The following PPM1E variants were observed in gnomAD, a reference collection of about 807,000 sequenced individuals.
PPM1E encodes the protein protein phosphatase, Mg2+/Mn2+ dependent 1E.
Under a neutral mutation model 65.9 loss-of-function variants are expected in PPM1E, and 20 were observed. The observed-to-expected ratio is 0.30, with a 90% CI of 0.21 to 0.44. PPM1E has a LOEUF of 0.44. PPM1E is among the 20% of genes least tolerant of loss of function. The pLI is 1.00. For synonymous variants in PPM1E, 352 were observed against 374.9 expected, an observed-to-expected ratio of 0.94 and a Z score of 0.70; for missense variants, 713 against 953.1, an observed-to-expected ratio of 0.75 and a Z score of 3.32.
chr17:58,828,427 A>G lies in PPM1E; in HGVS notation c.464+71966A>G, dbSNP rs112083914. Among the ~76,000 whole-genome samples, 1,390 of 151,966 alleles carry G rather than the reference A, an allele frequency of 9.1e-3. 25 individuals are homozygous for G. Among genetic ancestry groups the G allele is most frequent in the African/African-American group, 0.031 (1,285 of 41,466 alleles). On this transcript the variant is annotated intron_variant, in intron 1 of 6. Transcript: ENST00000308249. ...TTCTCTTTCTATACATTGGAACCAC[A>G]ATGGCAAAGGAAGCAACTATTTTTA...
At chr17:58,796,683 G>T (rs1240167685) in intron 1 of PPM1E, among the ~76,000 whole-genome samples, 1 of 152,134 alleles carries the variant, frequency 6.6e-6, no homozygotes, top group African/African-American at 2.4e-5. Flanking sequence ...AAAAATTGTA[G>T]GCATTGAACA....
chr17:58,793,789 A>G (rs2050179580), intron 1 of PPM1E, among the ~76,000 whole-genome samples: 1 of 152,114 alleles, frequency 6.6e-6, no homozygotes, highest in Non-Finnish European at 1.5e-5. Flanking sequence ...CTCAACATCT[A>G]TTTTATCCAC....
At chr17:58,837,039 A>T (rs1345889092) in intron 1 of PPM1E, among the ~76,000 whole-genome samples, 1 of 147,722 alleles carries the variant, frequency 6.8e-6, no homozygotes, top group African/African-American at 2.5e-5. Flanking sequence ...AAAAAAAAAA[A>T]GTGCCAGGAT....
At chr17:58,855,721 A>G (rs1051261289) in intron 1 of PPM1E, among the ~76,000 whole-genome samples, 2 of 152,224 alleles carry the variant, frequency 1.3e-5, no homozygotes, top group African/African-American at 4.8e-5. Context: ...TTTCAATTAT[A>G]GATGAATTTT....
At position 58,969,635 on chromosome 17, in the gene PPM1E, C is replaced by A; in HGVS notation, c.880C>A (p.Arg294Ser). 1 of 1,614,078 alleles carries A rather than the reference C, an allele frequency of 6.2e-7. No homozygotes were observed. The highest frequency in any genetic ancestry group is 8.5e-7 in the Non-Finnish European group (1 of 1,179,994). ...ASIHLHVNLVRQEMFPHDPAE... is the reference protein window; with the variant it reads ...ASIHLHVNLVSQEMFPHDPAE... ...CATTCACCTCCACGTTAACTTAGTC[C>A]GCCAGGAGATGTTCCCCCATGATCC... The change falls in exon 4 of 7, where the codon CGC becomes AGC. Residue 294 changes from arginine (R) to serine (S), a missense_variant. Arg to Ser is a moderately radical substitution (Grantham distance 110, BLOSUM62 -1). Coordinates refer to ENST00000308249, the MANE Select transcript of PPM1E (RefSeq NM_014906.5).
intron 1 of PPM1E, among the ~76,000 whole-genome samples, chr17:58,806,043 A>G (rs2050311258): frequency 6.6e-6 from 1 of 150,564 alleles, no homozygotes; most frequent in Non-Finnish European, 1.5e-5. Flanking sequence ...AATTGTAGTA[A>G]GTACTGTCAA....
At position 58,755,876 on chromosome 17, in the gene PPM1E, A is replaced by T; in HGVS notation, c.-122A>T. 8 of 1,502,252 alleles carry T rather than the reference A, an allele frequency of 5.3e-6. No individual in the cohort carries two copies. Among genetic ancestry groups the T allele is most frequent in the Non-Finnish European group, 7.1e-6 (8 of 1,126,684 alleles). The allele number at this position is 1,502,252 out of a possible 1,614,324, so 93.1% of individuals were successfully genotyped here. ...GCCCTCTCCAGGCAACCTAGTGCTG[A>T]TCGCTCGTGCCGGTGCGGCCGTTAA... On this transcript the variant is annotated 5_prime_UTR_variant, in exon 1 of 7. Coordinates refer to ENST00000308249, the MANE Select transcript of PPM1E (RefSeq NM_014906.5).
intron 1 of PPM1E, among the ~76,000 whole-genome samples, chr17:58,806,584 T>C (rs968789565): frequency 6.6e-6 from 1 of 152,122 alleles, no homozygotes; most frequent in East Asian, 1.9e-4. Flanking sequence ...AACTAGATCT[T>C]TGGGGATTTG....
intron 1 of PPM1E, among the ~76,000 whole-genome samples, chr17:58,775,104 G>T (rs569268179): frequency 6.6e-6 from 1 of 152,256 alleles, no homozygotes; most frequent in African/African-American, 2.4e-5. Flanking sequence ...AGCTGCCTCG[G>T]CCTCCCAAAG....
At chr17:58,825,500 A>G (rs1409926141) in intron 1 of PPM1E, among the ~76,000 whole-genome samples, 1 of 151,834 alleles carries the variant, frequency 6.6e-6, no homozygotes, top group African/African-American at 2.4e-5. Context: ...TTGTGTTAAC[A>G]TTGGTGTTTT....
chr17:58,851,508 C>G (rs1168165522), intron 1 of PPM1E, among the ~76,000 whole-genome samples: 4 of 152,136 alleles, frequency 2.6e-5, no homozygotes, highest in Admixed American at 6.6e-5. Flanking sequence ...CAGTCAGGAC[C>G]CTCAGCTGCA....
At chr17:58,917,315 TTATTA>T (rs1358101080) in intron 1 of PPM1E, among the ~76,000 whole-genome samples, 5 of 152,302 alleles carry the variant, frequency 3.3e-5, no homozygotes, top group South Asian at 2.1e-4. Flanking sequence ...GGCCTAGAAT[TTATTA>T]TATTATAATC....
At position 58,972,156 on chromosome 17, in the gene PPM1E, G is replaced by C. The variant is rs749352917; in HGVS notation, c.997G>C (p.Val333Leu). The C allele has an allele frequency of 3.1e-6, 5 of 1,614,052 alleles. No individual in the cohort carries two copies. Among genetic ancestry groups the C allele is most frequent in the Non-Finnish European group, 4.2e-6 (5 of 1,179,950 alleles). Residue 333 changes from valine (V) to leucine (L), a missense_variant, in exon 5 of 7, where the codon GTG becomes CTG. Coordinates refer to ENST00000308249, the MANE Select transcript of PPM1E (RefSeq NM_014906.5). ...GAGCTTAAGATGTGGGACCACAGGA[G>C]TGGTGACTTTCATCAGAGGCAACAT... ...RESLRCGTTG[V>L]VTFIRGNMLH...
At chr17:58,884,903 C>CT (rs2051248010) in intron 1 of PPM1E, among the ~76,000 whole-genome samples, 1 of 152,048 alleles carries the variant, frequency 6.6e-6, no homozygotes, top group South Asian at 2.1e-4. Context: ...TTTTCTCTGT[C>CT]TTATTTTCCT....
intron 1 of PPM1E, among the ~76,000 whole-genome samples, chr17:58,885,842 G>A (rs1445133896): frequency 6.6e-6 from 1 of 152,162 alleles, no homozygotes; most frequent in East Asian, 1.9e-4. Flanking sequence ...CCAAGTCAGG[G>A]GTGTATACAC....
At chr17:58,765,950 G>A (rs1167948131) in intron 1 of PPM1E, among the ~76,000 whole-genome samples, 1 of 148,190 alleles carries the variant, frequency 6.7e-6, no homozygotes, top group Non-Finnish European at 1.5e-5. Flanking sequence ...GCCCAGTCTC[G>A]GCGCACTGCA....
chr17:58,873,277 C>T (rs1201887347), intron 1 of PPM1E, among the ~76,000 whole-genome samples: 1 of 152,028 alleles, frequency 6.6e-6, no homozygotes, highest in Non-Finnish European at 1.5e-5. Context: ...TATTTTATTG[C>T]ACTATTTAGT....
At chr17:58,809,578 C>G (rs1203889762) in intron 1 of PPM1E, among the ~76,000 whole-genome samples, 2 of 152,052 alleles carry the variant, frequency 1.3e-5, no homozygotes, top group Admixed American at 6.6e-5. Flanking sequence ...TGCCCAGGGT[C>G]TTACTATGTT....
chr17:58,837,298 A>G (rs12942772), intron 1 of PPM1E, among the ~76,000 whole-genome samples: 1 of 141,030 alleles, frequency 7.1e-6, no homozygotes, highest in African/African-American at 2.7e-5. Context: ...CCCAGGATAT[A>G]CAACTGTCAG....
Sources: allele counts gnomAD v4.1 joint callset (sites outside exome capture counted in the v4.1 genomes callset), GRCh38; gene constraint gnomAD v4.1.1; transcripts MANE v1.5; gene names NCBI Gene and HGNC (gene_info 2026-07-23, HGNC 2026-07-21).